STX8: variants seen among roughly 807,000 people sequenced by gnomAD.
STX8 encodes syntaxin-8.
STX8 carries 23 observed loss-of-function variants against 37.5 expected under a neutral mutation model. The ratio of observed to expected loss-of-function variants is 0.61; its 90% confidence interval spans 0.44 to 0.87. STX8 has a LOEUF of 0.87. STX8 is among the 40% of genes least tolerant of loss of function. The pLI, the probability that STX8 is intolerant of heterozygous loss-of-function variation, is 0.00. For missense variants in STX8, 313 were observed against 284.7 expected (o/e 1.10, Z -0.71); for synonymous variants, 115 against 99.1 (o/e 1.16, Z -0.95).
At chr17:9,273,864 G>C (rs1297091549) in intron 7 of STX8, among the ~76,000 whole-genome samples, 1 of 152,180 alleles carries the variant, frequency 6.6e-6, no homozygotes, top group Non-Finnish European at 1.5e-5. Context: ...CAGCGGCTCT[G>C]TTGCTGTCTA....
chr17:9,415,553 CA>C (rs1913158598), intron 6 of STX8, among the ~76,000 whole-genome samples: 1 of 151,986 alleles, frequency 6.6e-6, no homozygotes. Context: ...GGGAGGATCA[CA>C]AGGTCAGGAG....
intron 7 of STX8, among the ~76,000 whole-genome samples, chr17:9,335,039 G>A (rs1468111048): frequency 6.6e-6 from 1 of 152,044 alleles, no homozygotes; most frequent in Non-Finnish European, 1.5e-5. Flanking sequence ...AGTCACCCCT[G>A]GTCACCTGCT....
rs545772850 is a variant in STX8, at chr17:9,378,493, G to A, written c.643+59C>T. The A allele has an allele frequency of 1.6e-4, 241 of 1,463,076 alleles. 3 individuals carry two copies. In the East Asian group the frequency reaches 5.5e-3, roughly 33 times the overall value. The allele number at this position is 1,463,076 out of a possible 1,614,324, so 90.6% of individuals were successfully genotyped here. A position where few individuals can be genotyped will look rare whatever the true frequency, so the allele number is the denominator to read the frequency against. ...AGTAATTAGACAAACAGGAAACTCA[G>A]AGCAGAGTAAATCCACAAGCTATGA... On this transcript the variant is annotated intron_variant, in intron 7 of 7. Coordinates refer to ENST00000306357, the MANE Select transcript of STX8 (RefSeq NM_004853.3).
In STX8 at chr17:9,250,509, G is replaced by A. The variant is rs1020885392; in HGVS notation, c.*69C>T. The A allele has an allele frequency of 2.4e-5, 34 of 1,393,896 alleles. No individual in the cohort carries two copies. Among genetic ancestry groups the A allele is most frequent in the East Asian group, 4.9e-5 (2 of 40,700 alleles). 86.3% of individuals were successfully genotyped at this position (1,393,896 alleles called of 1,614,324 possible). On this transcript the variant is annotated 3_prime_UTR_variant, in exon 8 of 8. Transcript: ENST00000306357. The stretch of plus-strand genomic sequence containing the variant: ...GGAATTTATTGAGAGCAGGTTTTGC[G>A]TACCAAAAGGGTGTTGGGCTTGCAT...
At chr17:9,416,995 G>A (rs1467662865) in intron 6 of STX8, among the ~76,000 whole-genome samples, 4 of 152,096 alleles carry the variant, frequency 2.6e-5, no homozygotes, top group Non-Finnish European at 5.9e-5. Context: ...TGACTCAGCG[G>A]GTCCTGTGGC....
intron 7 of STX8, among the ~76,000 whole-genome samples, chr17:9,365,127 G>T (rs1705294416): frequency 6.6e-6 from 1 of 152,222 alleles, no homozygotes; most frequent in East Asian, 1.9e-4. Flanking sequence ...AGATCCCAAA[G>T]TAGTATATTG....
intron 6 of STX8, among the ~76,000 whole-genome samples, chr17:9,394,400 C>A (rs1323596534): frequency 6.6e-6 from 1 of 150,492 alleles, no homozygotes; most frequent in African/African-American, 2.5e-5. Flanking sequence ...TTTTTTGAGA[C>A]TAAGTCTCAC....
intron 6 of STX8, among the ~76,000 whole-genome samples, chr17:9,421,397 A>G (rs1913422408): frequency 1.4e-5 from 2 of 143,968 alleles, no homozygotes; most frequent in Admixed American, 1.4e-4. Flanking sequence ...CATCTCAAAA[A>G]AAAAAAAAAA....
At chr17:9,552,683 C>T (rs1192999951) in intron 3 of STX8, 3 of 146,412 alleles carry the variant, frequency 2.0e-5, no homozygotes, top group South Asian at 2.1e-4. Flanking sequence ...GACGGAGTCT[C>T]GCTCTTTTGC....
intron 6 of STX8, among the ~76,000 whole-genome samples, chr17:9,480,387 A>G (rs911328297): frequency 6.6e-6 from 1 of 152,048 alleles, no homozygotes; most frequent in African/African-American, 2.4e-5. Context: ...AGGAAAAGAA[A>G]AAGTTTATTT....
chr17:9,454,634 C>T (rs936426557), intron 6 of STX8, among the ~76,000 whole-genome samples: 4 of 149,948 alleles, frequency 2.7e-5, no homozygotes, highest in African/African-American at 7.4e-5. Context: ...GAGCCAAGAT[C>T]GCGCCACTGC....
At chr17:9,252,061 T>C (rs1906602544) in intron 7 of STX8, among the ~76,000 whole-genome samples, 2 of 151,990 alleles carry the variant, frequency 1.3e-5, no homozygotes, top group South Asian at 4.1e-4. Context: ...TCCCAGCACT[T>C]TGGGAGGCCG....
intron 2 of STX8, among the ~76,000 whole-genome samples, chr17:9,562,615 T>A (rs201866012): frequency 6.3e-3 from 54 of 8,536 alleles, no homozygotes; most frequent in African/African-American, 7.9e-3. Context: ...AAAAAAAAAA[T>A]ATATATATAT....
At chr17:9,385,016 GA>G (rs58386863) in intron 6 of STX8, among the ~76,000 whole-genome samples, 8,010 of 130,968 alleles carry the variant, frequency 0.061, 717 homozygotes, top group African/African-American at 0.2. Flanking sequence ...GCTTCTAAAA[GA>G]AAAAAAAAAA....
At chr17:9,572,656 C>G (rs1907729455) in intron 1 of STX8, among the ~76,000 whole-genome samples, 1 of 152,046 alleles carries the variant, frequency 6.6e-6, no homozygotes. Context: ...GATCCGCCTG[C>G]CTCAGCCTCC....
rs1043814296 is a variant in STX8, at chr17:9,321,623, G to A, written c.643+56929C>T. 1.2e-4 allele frequency among the ~76,000 whole-genome samples: 18 copies of A among 151,850 alleles called. 1 individual carries two copies. The highest frequency in any genetic ancestry group is 2.1e-4 in the South Asian group (1 of 4,794). On this transcript the variant is annotated intron_variant, in intron 7 of 7. Coordinates refer to ENST00000306357, the MANE Select transcript of STX8 (RefSeq NM_004853.3). ...CAACCTCCGCCTCCCAGGTTCAAGC[G>A]GTTCTCCTGCCTCAGCCTCCTGAGT... is the stretch of plus-strand genomic sequence containing the variant.
At chr17:9,315,748 A>C (rs534830191) in intron 7 of STX8, among the ~76,000 whole-genome samples, 18 of 152,166 alleles carry the variant, frequency 1.2e-4, no homozygotes, top group Non-Finnish European at 2.5e-4. Flanking sequence ...ATGGTGGCTC[A>C]CGCCTGTAAT....
At chr17:9,260,627 A>AAAACAAAC (rs142433582) in intron 7 of STX8, among the ~76,000 whole-genome samples, 143 of 139,148 alleles carry the variant, frequency 1.0e-3, no homozygotes, top group East Asian at 3.5e-3. Context: ...CCGTCTCAGA[A>AAAACAAAC]AAACAAACAA....
At chr17:9,352,057 A>G (rs1234022003) in intron 7 of STX8, among the ~76,000 whole-genome samples, 1 of 151,364 alleles carries the variant, frequency 6.6e-6, no homozygotes, top group African/African-American at 2.4e-5. Flanking sequence ...AGGCTGAGGC[A>G]GGAGGATTGT....
Sources: allele counts gnomAD v4.1 joint callset (sites outside exome capture counted in the v4.1 genomes callset), GRCh38; gene constraint gnomAD v4.1.1; transcripts MANE v1.5; gene names NCBI Gene and HGNC (gene_info 2026-07-23, HGNC 2026-07-21).